WDR1: variants seen among roughly 807,000 people sequenced by gnomAD.
WDR1 encodes WD repeat domain 1, also known as WD repeat-containing protein 1.
A neutral mutation model predicts 71.9 loss-of-function variants in WDR1; 21 were observed. That is an observed-to-expected ratio of 0.29 (90% CI 0.21 to 0.42). WDR1 has a LOEUF of 0.42. Among genes scored for constraint, WDR1 ranks in the 10% least tolerant of loss-of-function variants. WDR1 has a pLI of 1.00. For synonymous variants in WDR1, 424 were observed against 347.4 expected (o/e 1.22, Z -2.45); for missense variants, 696 against 824.5 (o/e 0.84, Z 1.91).
rs376746458 is a variant in WDR1 at position 10,075,423 on chromosome 4, C to T, written c.1776G>A (p.Thr592=). The change falls in exon 15 of 15, where the codon ACG becomes ACA. Residue 592 remains threonine, a synonymous_variant. Coordinates refer to ENST00000499869, the MANE Select transcript of WDR1 (RefSeq NM_017491.5). The part of the protein sequence containing the change: ...LAWLDEHTLV[T]TSHDASVKEW... Reference sequence around the variant, plus strand: ...CCTTGACAGAGGCATCATGGGAGGTCGTGACCAGCGTGTGCTCGTCCAGCC... The same window carrying T: ...CCTTGACAGAGGCATCATGGGAGGTTGTGACCAGCGTGTGCTCGTCCAGCC... 7 of 1,613,928 alleles carry T rather than the reference C, an allele frequency of 4.3e-6. No individual in the cohort carries two copies. Among genetic ancestry groups the T allele is most frequent in the Non-Finnish European group, 5.1e-6 (6 of 1,179,878 alleles).
Position 10,077,432 on chromosome 4 carries a change from T to TA in WDR1, c.1585dup (p.Tyr529LeufsTer17). 2 of 1,613,930 alleles carry TA rather than the reference T, an allele frequency of 1.2e-6. No homozygotes were observed. Among genetic ancestry groups the TA allele is most frequent in the Non-Finnish European group, 1.7e-6 (2 of 1,179,834 alleles). Reference sequence around the variant, plus strand: ...GCAGACGATTTTTGCATGGTGTCCATAAAAAACATTGTTCTCCTAGTTGCA... The same window carrying TA: ...GCAGACGATTTTTGCATGGTGTCCATAAAAAAACATTGTTCTCCTAGTTGCA... On this transcript the variant is annotated frameshift_variant, in exon 14 of 15. Coordinates refer to ENST00000499869, the MANE Select transcript of WDR1 (RefSeq NM_017491.5). LOFTEE classifies it high-confidence loss of function.
chr4:10,115,944 T>C, intron 2 of WDR1, 169 bp downstream of exon 2: 1 of 858,348 alleles, frequency 1.2e-6, no homozygotes, highest in South Asian at 1.8e-5. Context: ...CCTGGGTGAA[T>C]CTGAGGCCGG....
rs747090751 is a variant in WDR1 at position 10,099,009 on chromosome 4, G to A, written c.360C>T (p.Val120=). 2.4e-5 allele frequency: 39 copies of A among 1,613,860 alleles called. No homozygotes were observed. The East Asian group carries it at 4.2e-4, about 18-fold the overall frequency. The change falls in exon 4 of 15, where the codon GTC becomes GTT. Residue 120 remains valine, a synonymous_variant. Transcript: ENST00000499869. ...WTEDSKRIAV[V]GEGREKFGAV... Reference sequence around the variant, plus strand: ...TGACTCACTTCTCCCTTCCTTCCCCGACCACGGCGATCCTCTTACTGTCTT... The same window carrying A: ...TGACTCACTTCTCCCTTCCTTCCCCAACCACGGCGATCCTCTTACTGTCTT...
rs75708109 is a variant in WDR1, at chr4:10,088,381, G to T, written c.637-8C>A. The T allele has an allele frequency of 2.5e-5, 39 of 1,554,028 alleles. No individual in the cohort carries two copies. In the East Asian group the frequency reaches 9.0e-4, roughly 36 times the overall value. ...CCCGTCATAGATGTATATCTTCCAAGAAATAAAAACATGTGGGTCATGTGT... is the reference window on the plus strand; with the variant it reads ...CCCGTCATAGATGTATATCTTCCAATAAATAAAAACATGTGGGTCATGTGT... On this transcript the variant is annotated splice_region_variant and splice_polypyrimidine_tract_variant and intron_variant, in intron 6 of 14. Transcript: ENST00000499869.
Position 10,075,567 on chromosome 4 carries a change from T to G in WDR1, c.1715-83A>C. The G allele has an allele frequency of 3.1e-6, 4 of 1,287,842 alleles. No individual in the cohort carries two copies. The South Asian group carries it at 5.1e-5, about 17-fold the overall frequency. 79.8% of individuals were successfully genotyped at this position (1,287,842 alleles called of 1,614,324 possible). A position where few individuals can be genotyped will look rare whatever the true frequency, so the allele number is the denominator to read the frequency against. ...CTTGGACTAGGAAGATGGAACAACC[T>G]GTGCCTAAATCATCTCCAGGGCCAA... On this transcript the variant is annotated intron_variant, in intron 14 of 14. Transcript: ENST00000499869.
intron 2 of WDR1, among the ~76,000 whole-genome samples, chr4:10,113,798 CAG>C (rs1713538528): frequency 6.6e-6 from 1 of 152,204 alleles, no homozygotes; most frequent in South Asian, 2.1e-4. Context: ...AGTAGCGAAG[CAG>C]AGAGTGAAAC....
intron 10 of WDR1, 97 bp from the exon 11 acceptor site, chr4:10,081,541 G>A (rs750180529): frequency 3.4e-5 from 40 of 1,172,902 alleles, no homozygotes; most frequent in Non-Finnish European, 4.9e-5. Context: ...TTGCTCCTTA[G>A]AAGGCAATTC....
chr4:10,116,692 G>C lies in WDR1; in HGVS notation c.-26C>G, dbSNP rs1239780170. 5.2e-6 allele frequency: 7 copies of C among 1,348,996 alleles called. No homozygotes were observed. Among genetic ancestry groups the C allele is most frequent in the Middle Eastern group, 2.3e-4 (1 of 4,380 alleles). 83.6% of individuals were successfully genotyped at this position (1,348,996 alleles called of 1,614,324 possible). ...CCTCGCCCACTTGTTACCGCGCCGC[G>C]CTCGCCGAGAGCCTCCGGGGCCGGC... On this transcript the variant is annotated 5_prime_UTR_variant, in exon 1 of 15. Transcript: ENST00000499869.
chr4:10,109,922 T>C (rs754064659), intron 2 of WDR1, among the ~76,000 whole-genome samples: 4 of 152,216 alleles, frequency 2.6e-5, no homozygotes, highest in Non-Finnish European at 5.9e-5. Flanking sequence ...GAAGATGCTT[T>C]ACGAATTAGC....
chr4:10,077,036 A>G (rs1764824285), intron 14 of WDR1: 10 of 444,624 alleles, frequency 2.2e-5, no homozygotes, highest in Admixed American at 3.8e-5. Context: ...TTAAGGGGTG[A>G]GTGGGGGAAG....
Position 10,081,382 on chromosome 4 carries a change from T to C in WDR1, c.1259A>G (p.Tyr420Cys). ...PKCVAVGPGGYAVVVCIGQIV... is the reference protein window; with the variant it reads ...PKCVAVGPGGCAVVVCIGQIV... Reference sequence around the variant, plus strand: ...CTGTCCAATGCACACGACCACGGCGTATCCCCCGGGGCCGACGGCTACGCA... The same window carrying C: ...CTGTCCAATGCACACGACCACGGCGCATCCCCCGGGGCCGACGGCTACGCA... The change falls in exon 11 of 15, where the codon TAC becomes TGC. Residue 420 changes from tyrosine (Y) to cysteine (C), a missense_variant. By Grantham distance (194) the Tyr-to-Cys change is radical (BLOSUM62 -2). Coordinates refer to ENST00000499869, the MANE Select transcript of WDR1 (RefSeq NM_017491.5). 1 of 1,613,752 alleles carries C rather than the reference T, an allele frequency of 6.2e-7. No individual in the cohort carries two copies. The highest frequency in any genetic ancestry group is 1.1e-5 in the South Asian group (1 of 91,064).
chr4:10,087,592 G>T, intron 8 of WDR1, 115 bp downstream of exon 8: 1 of 1,031,066 alleles, frequency 9.7e-7, no homozygotes, highest in South Asian at 1.7e-5. Context: ...AAGGAGGCCT[G>T]AGGACACCTC....
chr4:10,086,840 G>T (rs769984454), intron 8 of WDR1, among the ~76,000 whole-genome samples: 1 of 152,176 alleles, frequency 6.6e-6, no homozygotes, highest in Non-Finnish European at 1.5e-5. Flanking sequence ...GGCCACCAGC[G>T]CTGGGGGAAC....
chr4:10,116,549 C>A, intron 1 of WDR1, 102 bp downstream of exon 1: 1 of 941,510 alleles, frequency 1.1e-6, no homozygotes. Flanking sequence ...ACCCCTCCCC[C>A]GCGCCGAGGA....
chr4:10,088,635 C>T lies in WDR1; in HGVS notation c.636+29G>A, dbSNP rs1163641874. ...ACGGGAGCAGGCAGACAAGCCATTC[C>T]CCACCCCAAAACCCATCCCAGTTCT... On this transcript the variant is annotated intron_variant, in intron 6 of 14. Coordinates refer to ENST00000499869, the MANE Select transcript of WDR1 (RefSeq NM_017491.5). The T allele has an allele frequency of 1.9e-6, 3 of 1,570,992 alleles. No individual in the cohort carries two copies. The South Asian group carries it at 3.5e-5, about 18-fold the overall frequency.
At chr4:10,107,333 C>T (rs1380351664) in intron 2 of WDR1, among the ~76,000 whole-genome samples, 1 of 152,222 alleles carries the variant, frequency 6.6e-6, no homozygotes, top group Non-Finnish European at 1.5e-5. Flanking sequence ...TTACCTCCAC[C>T]ATTTTCAATG....
Position 10,087,874 on chromosome 4 carries a change from C to G in WDR1, c.784G>C (p.Asp262His). 1 of 1,567,054 alleles carries G rather than the reference C, an allele frequency of 6.4e-7. No individual in the cohort carries two copies. Among genetic ancestry groups the G allele is most frequent in the Non-Finnish European group, 8.7e-7 (1 of 1,155,052 alleles). The change falls in exon 8 of 15, where the codon GAC (aspartate) becomes CAC (histidine). Residue 262 changes from aspartate to histidine, a missense_variant. Coordinates refer to ENST00000499869, the MANE Select transcript of WDR1 (RefSeq NM_017491.5). ...ASGDKTSKIWDVSVNSVVSTF... is the reference protein window; with the variant it reads ...ASGDKTSKIWHVSVNSVVSTF... Reference sequence around the variant, plus strand: ...CTGACCACGGAGTTCACGCTGACGTCCCAAATCTTGGAAGTTTTGTCCCCA... The same window carrying G: ...CTGACCACGGAGTTCACGCTGACGTGCCAAATCTTGGAAGTTTTGTCCCCA...
chr4:10,109,739 C>G (rs1713235967), intron 2 of WDR1, among the ~76,000 whole-genome samples: 1 of 152,202 alleles, frequency 6.6e-6, no homozygotes, highest in Non-Finnish European at 1.5e-5. Flanking sequence ...CCACCAGGGC[C>G]TTAACTGATG....
chr4:10,078,822 A>G, intron 12 of WDR1, 69 bp downstream of exon 12: 1 of 1,364,528 alleles, frequency 7.3e-7, no homozygotes, highest in Non-Finnish European at 1.0e-6. Context: ...GTACTCACAC[A>G]GCTCACACTG....
Sources: allele counts gnomAD v4.1 joint callset (sites outside exome capture counted in the v4.1 genomes callset), GRCh38; gene constraint gnomAD v4.1.1; transcripts MANE v1.5; gene names NCBI Gene and HGNC (gene_info 2026-07-23, HGNC 2026-07-21).